The following CSRP2 variants were observed in gnomAD, a reference collection of about 807,000 sequenced individuals.
The protein encoded by CSRP2 is cysteine and glycine-rich protein 2.
In CSRP2, 18 loss-of-function variants were observed where a neutral mutation model predicts 24.6. That is an observed-to-expected ratio of 0.73 (90% CI 0.51 to 1.09). The LOEUF (loss-of-function observed/expected upper bound fraction) is 1.09, where lower values mean the gene tolerates loss of function less well. Ranked by LOEUF, CSRP2 falls within the 50% of genes least tolerant of loss-of-function variation. CSRP2 has a pLI of 0.00. For missense variants in CSRP2, 215 were observed against 239.4 expected (o/e 0.90, Z 0.67); for synonymous variants, 87 against 84.3 (o/e 1.03, Z -0.18).
At chr12:76,869,149 G>T (rs1953766121) in intron 1 of CSRP2, among the ~76,000 whole-genome samples, 1 of 152,044 alleles carries the variant, frequency 6.6e-6, no homozygotes, top group African/African-American at 2.4e-5. Context: ...GCTGCAAAAT[G>T]GTGCCTCCAA....
intron 1 of CSRP2, among the ~76,000 whole-genome samples, 191 bp from the exon 2 acceptor site, chr12:76,866,452 A>T (rs1243380050): frequency 6.8e-6 from 1 of 147,104 alleles, no homozygotes; most frequent in Non-Finnish European, 1.5e-5. Context: ...TCATTAGGAA[A>T]CTGGCTTGTC....
At chr12:76,863,583 C>T (rs1337429888) in intron 2 of CSRP2, 2 of 403,160 alleles carry the variant, frequency 5.0e-6, no homozygotes, top group African/African-American at 2.1e-5. Context: ...CAGAATATAA[C>T]ATCCAGAAGC....
chr12:76,862,523 A>G (rs1953692396), intron 3 of CSRP2: 1 of 218,240 alleles, frequency 4.6e-6, no homozygotes, highest in Admixed American at 5.8e-5. Flanking sequence ...CTTGGGTGAC[A>G]GAGTGAGATT....
intron 1 of CSRP2, among the ~76,000 whole-genome samples, chr12:76,868,951 A>G (rs1056519307): frequency 3.9e-5 from 6 of 152,016 alleles, no homozygotes; most frequent in East Asian, 1.9e-4. Context: ...AAAAAAAAAA[A>G]AAAAGAAAAG....
chr12:76,872,491 C>A (rs981552744), intron 1 of CSRP2, among the ~76,000 whole-genome samples: 1 of 152,232 alleles, frequency 6.6e-6, no homozygotes, highest in South Asian at 2.1e-4. Context: ...TATGCAAATG[C>A]AGGCCATGTG....
At chr12:76,862,659 C>G (rs1565821467) in intron 3 of CSRP2, 1 of 1,061,512 alleles carries the variant, frequency 9.4e-7, no homozygotes, top group Non-Finnish European at 1.2e-6. Context: ...GCAACAAAGC[C>G]TTTAAAGTTT....
Position 76,863,026 on chromosome 12 carries a change from A to G in CSRP2, c.281+150T>C, listed in dbSNP as rs555665724. 1,079 of 1,432,092 alleles carry G rather than the reference A, an allele frequency of 7.5e-4. 4 individuals are homozygous for G. Among genetic ancestry groups the G allele is most frequent in the South Asian group, 1.9e-3 (125 of 66,456 alleles). The allele number at this position is 1,432,092 out of a possible 1,614,324, so 88.7% of individuals were successfully genotyped here. A position where few individuals can be genotyped will look rare whatever the true frequency, so the allele number is the denominator to read the frequency against. Reference sequence around the variant, plus strand: ...AACTTTGTTAGGTCCAAAACTCAATATTTTGAACTAGTTGACATTAGAAAA... The same window carrying G: ...AACTTTGTTAGGTCCAAAACTCAATGTTTTGAACTAGTTGACATTAGAAAA... On this transcript the variant is annotated intron_variant, in intron 3 of 5. Coordinates refer to ENST00000311083, the MANE Select transcript of CSRP2 (RefSeq NM_001321.3).
At chr12:76,863,375 G>A in intron 2 of CSRP2, 31 bp from the exon 3 acceptor site, 1 of 1,607,652 alleles carries the variant, frequency 6.2e-7, no homozygotes, top group Non-Finnish European at 8.5e-7. Flanking sequence ...CTTTACACAT[G>A]TTCCAAAGAT....
chr12:76,866,307 C>T (rs372155706), intron 1 of CSRP2, 46 bp from the exon 2 acceptor site: 74 of 1,502,016 alleles, frequency 4.9e-5, no homozygotes, highest in African/African-American at 3.6e-4. Context: ...GCTGGTCGTA[C>T]GGCTCCCTAG....
chr12:76,861,671 G>C (rs1953680324), intron 3 of CSRP2: 1 of 152,134 alleles, frequency 6.6e-6, no homozygotes, highest in African/African-American at 2.4e-5. Flanking sequence ...GAACACAGAG[G>C]TGAGCCTCAA....
chr12:76,861,368 T>TATATATA (rs1565820554), intron 3 of CSRP2: 5 of 60,876 alleles, frequency 8.2e-5, no homozygotes, highest in African/African-American at 2.1e-4. Flanking sequence ...ATATATATAT[T>TATATATA]TTTTTTTTTT....
chr12:76,868,336 T>C (rs1162841140), intron 1 of CSRP2, among the ~76,000 whole-genome samples: 2 of 152,104 alleles, frequency 1.3e-5, no homozygotes, highest in African/African-American at 4.8e-5. Context: ...TTCCCATGTG[T>C]TGTGGGACGG....
chr12:76,876,562 G>C (rs1215872943), intron 1 of CSRP2, among the ~76,000 whole-genome samples: 1 of 152,144 alleles, frequency 6.6e-6, no homozygotes, highest in Non-Finnish European at 1.5e-5. Context: ...TTTTGAGAAG[G>C]GGTCTGGAGG....
intron 1 of CSRP2, among the ~76,000 whole-genome samples, chr12:76,869,131 C>T (rs1953765932): frequency 6.6e-6 from 1 of 152,008 alleles, no homozygotes; most frequent in Admixed American, 6.6e-5. Context: ...GCTAAGGGCC[C>T]CATCTCTGCT....
At chr12:76,877,973 C>A (rs1356007569) in intron 1 of CSRP2, among the ~76,000 whole-genome samples, 3 of 123,354 alleles carry the variant, frequency 2.4e-5, no homozygotes, top group Non-Finnish European at 5.2e-5. Context: ...CACCCCCCCA[C>A]CCCCCAAAAA....
chr12:76,861,257 A>G (rs1212186649), intron 3 of CSRP2: 2 of 151,838 alleles, frequency 1.3e-5, no homozygotes, highest in Non-Finnish European at 2.9e-5. Flanking sequence ...TGGAAAAACA[A>G]TGTCTTCCTA....
intron 3 of CSRP2, chr12:76,861,425 C>T (rs1197127141): frequency 6.7e-6 from 1 of 149,990 alleles, no homozygotes; most frequent in Admixed American, 6.6e-5. Context: ...AAAACTATGG[C>T]CATAGTCACT....
chr12:76,868,386 G>A (rs543392247), intron 1 of CSRP2, among the ~76,000 whole-genome samples: 30 of 151,912 alleles, frequency 2.0e-4, no homozygotes, highest in African/African-American at 5.6e-4. Context: ...CGAGTCTTTC[G>A]CGTGCTGGTC....
intron 1 of CSRP2, among the ~76,000 whole-genome samples, chr12:76,868,774 A>T (rs1465381031): frequency 2.0e-5 from 3 of 152,096 alleles, no homozygotes; most frequent in African/African-American, 7.2e-5. Flanking sequence ...TCTACTAAAA[A>T]TACAAAAAAT....
Sources: gnomAD v4.1 joint callset for allele counts (sites outside exome capture counted in the v4.1 genomes callset) on GRCh38, gnomAD v4.1.1 for gene constraint, MANE v1.5 for transcripts, NCBI Gene and HGNC (gene_info 2026-07-23, HGNC 2026-07-21) for gene names.